TAF1B: variants seen among roughly 807,000 people sequenced by gnomAD.
The protein encoded by TAF1B is TATA-box binding protein associated factor, RNA polymerase I subunit B, also known as TATA box-binding protein-associated factor RNA polymerase I subunit B.
TAF1B carries 61 observed loss-of-function variants against 83.9 expected under a neutral mutation model. The ratio of observed to expected loss-of-function variants is 0.73; its 90% confidence interval spans 0.59 to 0.90. TAF1B has a LOEUF of 0.90. Ranked by LOEUF, TAF1B falls within the 40% of genes least tolerant of loss-of-function variation. The pLI is 0.00. For synonymous variants in TAF1B, 221 were observed against 224.6 expected, an observed-to-expected ratio of 0.98 and a Z score of 0.14; for missense variants, 625 against 677.0, an observed-to-expected ratio of 0.92 and a Z score of 0.85.
intron 14 of TAF1B, 42 bp downstream of exon 14, chr2:9,919,862 TTGAC>T (rs780153932): frequency 3.2e-6 from 5 of 1,562,316 alleles, no homozygotes; most frequent in Non-Finnish European, 4.4e-6. Context: ...ATTGAAGTAG[TTGAC>T]TGTATAAGAG....
chr2:9,892,550 G>A (rs1664902177), intron 8 of TAF1B, among the ~76,000 whole-genome samples: 1 of 152,096 alleles, frequency 6.6e-6, no homozygotes, highest in African/African-American at 2.4e-5. Flanking sequence ...GTCTTTCTGT[G>A]CCTGGCTTAT....
intron 5 of TAF1B, among the ~76,000 whole-genome samples, chr2:9,867,179 A>G (rs1172119669): frequency 6.6e-6 from 1 of 152,136 alleles, no homozygotes; most frequent in Admixed American, 6.5e-5. Flanking sequence ...CAATGGAGAG[A>G]AAGAGTAGAT....
intron 8 of TAF1B, among the ~76,000 whole-genome samples, chr2:9,890,131 A>G (rs1360346972): frequency 6.6e-6 from 1 of 152,098 alleles, no homozygotes; most frequent in Non-Finnish European, 1.5e-5. Context: ...CATCAAGACC[A>G]CTGAGCTCTG....
At chr2:9,893,707 T>TA (rs915504977) in intron 8 of TAF1B, among the ~76,000 whole-genome samples, 2 of 151,784 alleles carry the variant, frequency 1.3e-5, no homozygotes, top group Admixed American at 6.6e-5. Flanking sequence ...ATCATAACTT[T>TA]AAAAAAAAGG....
intron 5 of TAF1B, among the ~76,000 whole-genome samples, chr2:9,866,437 C>G (rs1425033032): frequency 6.6e-6 from 1 of 151,046 alleles, no homozygotes; most frequent in Admixed American, 6.6e-5. Flanking sequence ...CAGGAAACAA[C>G]AGGTGCTGGA....
Position 9,911,530 on chromosome 2 carries a change from G to T in TAF1B, c.1153G>T (p.Glu385Ter). ...SFEWSLSNLAEKHNEKNKKDK... is the reference protein window; with the variant it reads ...SFEWSLSNLA ...CTCCAGGTCTTTGTCTAATCTTGCTGAAAAGCATAATGAAAAGAACAAAAA... is the reference window on the plus strand; with the variant it reads ...CTCCAGGTCTTTGTCTAATCTTGCTTAAAAGCATAATGAAAAGAACAAAAA... Residue 385 changes from glutamate to a stop codon, truncating the protein, a stop_gained, in exon 11 of 15, where the codon GAA (glutamate) becomes TAA (stop). Coordinates refer to ENST00000263663, the MANE Select transcript of TAF1B (RefSeq NM_005680.3). LOFTEE classifies it high-confidence loss of function. The T allele has an allele frequency of 6.6e-7, 1 of 1,520,932 alleles. No homozygotes were observed. Among genetic ancestry groups the T allele is most frequent in the Non-Finnish European group, 8.9e-7 (1 of 1,127,784 alleles). 94.2% of individuals were successfully genotyped at this position (1,520,932 alleles called of 1,614,324 possible).
At chr2:9,873,036 A>C (rs1286324550) in intron 6 of TAF1B, among the ~76,000 whole-genome samples, 1 of 152,166 alleles carries the variant, frequency 6.6e-6, no homozygotes, top group Non-Finnish European at 1.5e-5. Flanking sequence ...AAATTTTTAT[A>C]TTATAAACAG....
intron 8 of TAF1B, among the ~76,000 whole-genome samples, chr2:9,894,286 T>C (rs1664955643): frequency 6.6e-6 from 1 of 152,162 alleles, no homozygotes; most frequent in Non-Finnish European, 1.5e-5. Flanking sequence ...GGGGAGTTTT[T>C]CTCACATAGG....
chr2:9,868,715 T>C (rs1664074172), intron 6 of TAF1B: 1 of 564,330 alleles, frequency 1.8e-6, no homozygotes, highest in Non-Finnish European at 3.5e-6. Context: ...CAGAAAGATC[T>C]ATATGTGTGG....
At chr2:9,913,071 C>A in intron 11 of TAF1B, 88 bp from the exon 12 acceptor site, 2 of 1,072,682 alleles carry the variant, frequency 1.9e-6, no homozygotes, top group Non-Finnish European at 2.7e-6. Flanking sequence ...CTGCCCAGTG[C>A]AGTCAATTAA....
At chr2:9,895,957 G>A (rs550796491) in intron 8 of TAF1B, among the ~76,000 whole-genome samples, 13 of 151,930 alleles carry the variant, frequency 8.6e-5, no homozygotes, top group Non-Finnish European at 1.9e-4. Context: ...ATTGCTTCAC[G>A]AAGGAAAGTA....
At chr2:9,867,849 A>C (rs528294874) in intron 5 of TAF1B, among the ~76,000 whole-genome samples, 2 of 152,332 alleles carry the variant, frequency 1.3e-5, no homozygotes, top group African/African-American at 4.8e-5. Flanking sequence ...GTAAGTAATG[A>C]GTTAGGGAGA....
At chr2:9,929,891 G>T (rs1231838114) in intron 14 of TAF1B, among the ~76,000 whole-genome samples, 1 of 152,096 alleles carries the variant, frequency 6.6e-6, no homozygotes, top group South Asian at 2.1e-4. Context: ...CAGAGATTCA[G>T]CTTCTTCCTG....
intron 8 of TAF1B, 152 bp from the exon 9 acceptor site, chr2:9,904,707 A>G (rs1241396588): frequency 4.3e-6 from 3 of 689,990 alleles, no homozygotes; most frequent in Non-Finnish European, 7.0e-6. Context: ...CGTTCCTGCC[A>G]GCAGTGCATA....
In TAF1B at chr2:9,904,281, C is replaced by A. The variant is rs1231674589; in HGVS notation, c.808-578C>A. Reference sequence around the variant, plus strand: ...CTCACCCTCCACCCTCAAGTAGGCCCTTGTGTCTGTTGTTCCCTTCTTTGT... The same window carrying A: ...CTCACCCTCCACCCTCAAGTAGGCCATTGTGTCTGTTGTTCCCTTCTTTGT... On this transcript the variant is annotated intron_variant, in intron 8 of 14. Coordinates refer to ENST00000263663, the MANE Select transcript of TAF1B (RefSeq NM_005680.3). 3.3e-5 allele frequency among the ~76,000 whole-genome samples: 5 copies of A among 152,202 alleles called. No individual in the cohort carries two copies. In the East Asian group the frequency reaches 9.6e-4, roughly 29 times the overall value.
intron 14 of TAF1B, among the ~76,000 whole-genome samples, chr2:9,925,299 G>T (rs1391729466): frequency 6.6e-6 from 1 of 151,858 alleles, no homozygotes; most frequent in Non-Finnish European, 1.5e-5. Flanking sequence ...AATTAGCCGG[G>T]CATGGTGGTG....
chr2:9,881,390 GCCAAATGTCAGCC>G (rs1199826515), intron 7 of TAF1B, among the ~76,000 whole-genome samples: 3 of 152,008 alleles, frequency 2.0e-5, no homozygotes, highest in Non-Finnish European at 4.4e-5. Context: ...AAAGCTGAAA[GCCAAATGTCAGCC>G]CAGCTCTTCA....
At chr2:9,919,922 C>T in intron 14 of TAF1B, 102 bp downstream of exon 14, 1 of 1,085,874 alleles carries the variant, frequency 9.2e-7, no homozygotes, top group Non-Finnish European at 1.3e-6. Flanking sequence ...AGCTTAAAGT[C>T]ACGAAAATCA....
rs78399701 is a variant in TAF1B, at chr2:9,879,032, G to C, written c.707+3014G>C. Among the ~76,000 whole-genome samples the C allele has an allele frequency of 4.7e-3, 719 of 152,294 alleles. 4 individuals are homozygous for C. The highest frequency in any genetic ancestry group is 0.016 in the African/African-American group (681 of 41,564). On this transcript the variant is annotated intron_variant, in intron 7 of 14. Transcript: ENST00000263663. ...AAAATAGAGCCAGTGTGAATATCAG[G>C]AGTACAATAGACCTCACTTACCACA...
Sources: allele counts gnomAD v4.1 joint callset (sites outside exome capture counted in the v4.1 genomes callset), GRCh38; gene constraint gnomAD v4.1.1; transcripts MANE v1.5; gene names NCBI Gene and HGNC (gene_info 2026-07-23, HGNC 2026-07-21).